Variants in ZDHHC11B observed in about 807,000 individuals in gnomAD.
ZDHHC11B encodes the protein zDHHC palmitoyltransferase 11B (putative), also known as probable palmitoyltransferase ZDHHC11B.
In ZDHHC11B, 17 loss-of-function variants were observed where a neutral mutation model predicts 42.3. That is an observed-to-expected ratio of 0.40 (90% confidence interval 0.27 to 0.60). The LOEUF (loss-of-function observed/expected upper bound fraction) is 0.60. ZDHHC11B is among the 20% of genes least tolerant of loss of function. The pLI is 0.41. For synonymous variants in ZDHHC11B, 123 were observed against 193.5 expected, an observed-to-expected ratio of 0.64 and a Z score of 3.02; for missense variants, 262 against 463.2, an observed-to-expected ratio of 0.57 and a Z score of 3.99.
At chr5:751,404 G>A (rs868649509) in intron 6 of ZDHHC11B, 147 bp from the exon 7 acceptor site, 2,372 of 119,580 alleles carry the variant, frequency 0.02, 28 homozygotes, top group African/African-American at 0.089. Context: ...GGGCACGCAA[G>A]GGCAGGTGTG....
rs72707058 is a variant in ZDHHC11B at position 710,599 on chromosome 5, T to C, written c.*1691A>G. The stretch of plus-strand genomic sequence containing the variant: ...TGTGCTCCCATTTCACAGTACTGTG[T>C]GCTCCCATTTCTCAGTACTGGGCTC... On this transcript the variant is annotated 3_prime_UTR_variant, in exon 14 of 14. Transcript: ENST00000508859. The C allele has an allele frequency of 1.7e-3, 258 of 150,286 alleles. 1 individual carries two copies. Among genetic ancestry groups the C allele is most frequent in the African/African-American group, 3.6e-3 (145 of 39,994 alleles). The allele number at this position is 150,286 out of a possible 1,614,324, so 9.3% of individuals were successfully genotyped here.
chr5:756,957 C>T (rs1243985487), intron 4 of ZDHHC11B, among the ~76,000 whole-genome samples: 1 of 151,778 alleles, frequency 6.6e-6, no homozygotes, highest in East Asian at 1.9e-4. Context: ...GTCTTGGGCC[C>T]TCTGGGCTCG....
chr5:776,451 G>A (rs112516684), intron 1 of ZDHHC11B, among the ~76,000 whole-genome samples: 2,271 of 151,380 alleles, frequency 0.015, 52 homozygotes, highest in African/African-American at 0.03. Context: ...ACAGCCCCAA[G>A]GGAGACCGGG....
chr5:724,262 G>C (rs1742397352), intron 12 of ZDHHC11B, among the ~76,000 whole-genome samples: 1 of 149,862 alleles, frequency 6.7e-6, no homozygotes. Context: ...CTGGAGTGCA[G>C]TGGCACGATC....
intron 6 of ZDHHC11B, among the ~76,000 whole-genome samples, chr5:753,423 C>T (rs1244468694): frequency 4.6e-5 from 6 of 131,268 alleles, no homozygotes; most frequent in African/African-American, 7.5e-5. Flanking sequence ...CACACACAGG[C>T]GGTGTCTACA....
At chr5:721,515 C>T (rs1205044016) in intron 12 of ZDHHC11B, among the ~76,000 whole-genome samples, 4 of 151,174 alleles carry the variant, frequency 2.6e-5, no homozygotes, top group African/African-American at 4.9e-5. Flanking sequence ...GAGAAGCTCC[C>T]GGGCCCCGAG....
At chr5:745,507 G>A (rs1201278537) in intron 8 of ZDHHC11B, among the ~76,000 whole-genome samples, 1 of 149,984 alleles carries the variant, frequency 6.7e-6, no homozygotes, top group East Asian at 2.1e-4. Flanking sequence ...GTCAGCAGGA[G>A]GGGTCTGCAG....
intron 12 of ZDHHC11B, among the ~76,000 whole-genome samples, chr5:725,076 C>T (rs554440624): frequency 5.9e-4 from 89 of 151,282 alleles, no homozygotes; most frequent in Middle Eastern, 3.4e-3. Context: ...TGTCATAAAG[C>T]GGAGCCTTTG....
At chr5:718,783 A>G (rs1280257631) in intron 12 of ZDHHC11B, among the ~76,000 whole-genome samples, 4 of 151,664 alleles carry the variant, frequency 2.6e-5, no homozygotes, top group African/African-American at 9.7e-5. Context: ...TACCGCCTCG[A>G]TTTCTTAGTC....
intron 4 of ZDHHC11B, among the ~76,000 whole-genome samples, chr5:763,769 A>G (rs1182475222): frequency 3.3e-5 from 5 of 151,888 alleles, no homozygotes; most frequent in Non-Finnish European, 7.4e-5. Context: ...TTTAAGTGAG[A>G]TATTTTTAAG....
intron 13 of ZDHHC11B, 137 bp from the exon 14 acceptor site, chr5:712,419 CACCTTGGCTTAG>C (rs1741438999): frequency 6.7e-6 from 1 of 148,318 alleles, no homozygotes; most frequent in Non-Finnish European, 1.5e-5. Context: ...CGTGGATCAT[CACCTTGGCTTAG>C]ACACAGAGCC....
At chr5:718,535 C>T (rs1579235894) in intron 12 of ZDHHC11B, among the ~76,000 whole-genome samples, 1 of 151,262 alleles carries the variant, frequency 6.6e-6, no homozygotes, top group Admixed American at 6.6e-5. Context: ...CAAAAACAAA[C>T]AAACAAACAA....
At chr5:763,863 G>T (rs1244773906) in intron 4 of ZDHHC11B, among the ~76,000 whole-genome samples, 15 of 152,016 alleles carry the variant, frequency 9.9e-5, no homozygotes, top group Non-Finnish European at 2.1e-4. Context: ...CGATGTCCGA[G>T]ATTTTTAAAG....
At chr5:764,877 C>T (rs543563827) in intron 4 of ZDHHC11B, among the ~76,000 whole-genome samples, 22 of 150,370 alleles carry the variant, frequency 1.5e-4, no homozygotes, top group Middle Eastern at 3.4e-3. Flanking sequence ...TGTAAATACA[C>T]CAATCAGCAC....
At chr5:777,467 G>A (rs928619928) in intron 1 of ZDHHC11B, among the ~76,000 whole-genome samples, 3 of 93,852 alleles carry the variant, frequency 3.2e-5, no homozygotes, top group Non-Finnish European at 4.5e-5. Flanking sequence ...CAAAAGCGGC[G>A]CGCACCCAGA....
intron 1 of ZDHHC11B, among the ~76,000 whole-genome samples, chr5:776,866 G>GT (rs1300625289): frequency 2.6e-5 from 4 of 151,888 alleles, no homozygotes; most frequent in Non-Finnish European, 4.4e-5. Flanking sequence ...GATGGTTCTT[G>GT]TTTTTCACTA....
At chr5:750,505 T>A (rs201322293) in intron 7 of ZDHHC11B, among the ~76,000 whole-genome samples, 1 of 118,406 alleles carries the variant, frequency 8.4e-6, no homozygotes, top group African/African-American at 2.6e-5. Flanking sequence ...CATCCCAGCA[T>A]GACCCTCCCA....
chr5:771,256 C>T lies in ZDHHC11B; in HGVS notation c.-229-2326G>A, dbSNP rs576533576. 2.0e-5 allele frequency among the ~76,000 whole-genome samples: 3 copies of T among 151,842 alleles called. No individual in the cohort carries two copies. The South Asian group carries it at 6.3e-4, about 32-fold the overall frequency. ...TCATCGTGGGGGTCCTGAGTGTGGC[C>T]CCTGCTGAACTTGAGATCCCACAAA... is the stretch of plus-strand genomic sequence containing the variant. On this transcript the variant is annotated intron_variant, in intron 1 of 13. Coordinates refer to ENST00000508859, the MANE Select transcript of ZDHHC11B (RefSeq NM_001351303.2).
At chr5:751,430 CG>C (rs1205350805) in intron 6 of ZDHHC11B, among the ~76,000 whole-genome samples, 173 bp from the exon 7 acceptor site, 1 of 35,802 alleles carries the variant, frequency 2.8e-5, no homozygotes, top group African/African-American at 9.0e-5. Context: ...GGTGTGGGGG[CG>C]GGGAGGCAGG....
Sources: allele counts gnomAD v4.1 joint callset (sites outside exome capture counted in the v4.1 genomes callset), GRCh38; gene constraint gnomAD v4.1.1; transcripts MANE v1.5; gene names NCBI Gene and HGNC (gene_info 2026-07-23, HGNC 2026-07-21).